The following IL6ST variants were observed in gnomAD, a reference collection of about 807,000 sequenced individuals.
The protein encoded by IL6ST is interleukin 6 cytokine family signal transducer, also known as interleukin-6 receptor subunit beta.
IL6ST carries 24 observed loss-of-function variants against 91.3 expected under a neutral mutation model. That is an observed-to-expected ratio of 0.26 (90% CI 0.19 to 0.37). The LOEUF is 0.37. Ranked by LOEUF, IL6ST falls within the 10% of genes least tolerant of loss-of-function variation. The pLI is 1.00. For missense variants in IL6ST, 914 were observed against 1,078.5 expected (o/e 0.85, Z 2.14); for synonymous variants, 351 against 373.6 (o/e 0.94, Z 0.70).
chr5:55,954,804 G>T lies in IL6ST; in HGVS notation c.1450+6C>A. ...TATCAATTTAGATGTTTCTAGCCAG[G>T]TATACCTCTTAAATAGGTGCGATGC... On this transcript the variant is annotated splice_donor_region_variant and intron_variant, in intron 11 of 16. Transcript: ENST00000381298. 5 of 1,593,550 alleles carry T rather than the reference G, an allele frequency of 3.1e-6. No individual in the cohort carries two copies. The highest frequency in any genetic ancestry group is 4.3e-6 in the Non-Finnish European group (5 of 1,170,000).
chr5:55,950,740 T>C (rs771929886), intron 14 of IL6ST, among the ~76,000 whole-genome samples: 3 of 151,586 alleles, frequency 2.0e-5, no homozygotes, highest in Non-Finnish European at 2.9e-5. Flanking sequence ...CCCAGCACTT[T>C]AGGAGGCCAA....
At chr5:55,965,147 A>G (rs895650387) in intron 5 of IL6ST, among the ~76,000 whole-genome samples, 1 of 152,214 alleles carries the variant, frequency 6.6e-6, no homozygotes, top group Non-Finnish European at 1.5e-5. Flanking sequence ...AACTATTCCA[A>G]GTAACATTAA....
chr5:55,950,178 G>A (rs886607446), intron 14 of IL6ST: 1 of 493,988 alleles, frequency 2.0e-6, no homozygotes, highest in Middle Eastern at 3.2e-4. Flanking sequence ...GAGGGAAAAT[G>A]TATTTGGGAA....
chr5:55,943,620 T>C (rs940294491), intron 15 of IL6ST, among the ~76,000 whole-genome samples: 1 of 152,150 alleles, frequency 6.6e-6, no homozygotes, highest in Non-Finnish European at 1.5e-5. Flanking sequence ...AAATGCACCA[T>C]ATTCATGGAA....
chr5:55,993,609 TAC>T (rs1398910774), intron 1 of IL6ST, among the ~76,000 whole-genome samples: 6 of 152,242 alleles, frequency 3.9e-5, no homozygotes, highest in South Asian at 2.1e-4. Flanking sequence ...AAAATCCCAC[TAC>T]AGTCTGTCCT....
rs1283880348 is a variant in IL6ST, at chr5:55,951,352, A to C, written c.1840+112T>G. On this transcript the variant is annotated intron_variant, in intron 14 of 16. Coordinates refer to ENST00000381298, the MANE Select transcript of IL6ST (RefSeq NM_002184.4). ...ACCAACCAAAGCCAGATAATATAAA[A>C]ATCATCATGAATCCAAAGATGTACT... 9 of 821,388 alleles carry C rather than the reference A, an allele frequency of 1.1e-5. No individual in the cohort carries two copies. In the East Asian group the frequency reaches 2.3e-4, roughly 21 times the overall value. 50.9% of individuals were successfully genotyped at this position (821,388 alleles called of 1,614,324 possible). A position where few individuals can be genotyped will look rare whatever the true frequency, so the allele number is the denominator to read the frequency against.
chr5:55,941,967 C>T (rs1462129362), intron 16 of IL6ST, 148 bp from the exon 17 acceptor site: 1 of 661,748 alleles, frequency 1.5e-6, no homozygotes, highest in African/African-American at 1.8e-5. Context: ...AATGCAGATA[C>T]TATAAAATGA....
chr5:55,941,875 T>G lies in IL6ST; in HGVS notation c.2020-56A>C, dbSNP rs1012787180. 7 of 1,459,130 alleles carry G rather than the reference T, an allele frequency of 4.8e-6. No individual in the cohort carries two copies. The East Asian group carries it at 1.1e-4, about 24-fold the overall frequency. 90.4% of individuals were successfully genotyped at this position (1,459,130 alleles called of 1,614,324 possible). A position where few individuals can be genotyped will look rare whatever the true frequency, so the allele number is the denominator to read the frequency against. ...GTATTAGTTAAAGCCACAGAGCTAA[T>G]GCATCTCTGAAACTTCCCAGTAACT... is the stretch of plus-strand genomic sequence containing the variant. On this transcript the variant is annotated intron_variant, in intron 16 of 16. Coordinates refer to ENST00000381298, the MANE Select transcript of IL6ST (RefSeq NM_002184.4).
At chr5:55,992,843 C>A (rs1218667161) in intron 1 of IL6ST, among the ~76,000 whole-genome samples, 4 of 152,158 alleles carry the variant, frequency 2.6e-5, no homozygotes, top group African/African-American at 9.7e-5. Context: ...GGATTTTCTG[C>A]ATCACTCTGC....
In IL6ST at chr5:55,936,283, C is replaced by A. The variant is rs997728268; in HGVS notation, c.*4799G>T. ...ACTCCAGCAGAGTGCAGGGTGGGCA[C>A]AGACAGGCCACAAGATGGCGCAGCA... On this transcript the variant is annotated 3_prime_UTR_variant, in exon 17 of 17. Coordinates refer to ENST00000381298, the MANE Select transcript of IL6ST (RefSeq NM_002184.4). The A allele has an allele frequency of 3.6e-5, 8 of 221,262 alleles. No individual in the cohort carries two copies. The highest frequency in any genetic ancestry group is 1.6e-4 in the African/African-American group (7 of 43,984). The allele number at this position is 221,262 out of a possible 1,614,324, so 13.7% of individuals were successfully genotyped here.
rs773015808 is a variant in IL6ST, at chr5:55,951,974, T to G, written c.1654A>C (p.Arg552=). Residue 552 remains arginine (R), a synonymous_variant, in exon 13 of 17, where the codon AGA becomes CGA. Transcript: ENST00000381298. ...GTTCTATAAAATATAGTATAATTTC[T>G]GATAAATCCATTCTGAACATCAACA... ...LPVDVQNGFI[R]NYTIFYRTII... is the part of the protein sequence containing the mutation. 6.5e-7 allele frequency: 1 copy of G among 1,529,884 alleles called. No individual in the cohort carries two copies. The highest frequency in any genetic ancestry group is 2.3e-5 in the East Asian group (1 of 44,402). 94.8% of individuals were successfully genotyped at this position (1,529,884 alleles called of 1,614,324 possible).
chr5:55,976,254 C>G lies in IL6ST; in HGVS notation c.25G>C (p.Val9Leu), dbSNP rs372602249. ...GTGAGGAAAATAAACAAGGCTTGCA[C>G]TAGCCAAGTCTGCAACGTCAACATC... Reference protein sequence around the residue: MLTLQTWLVQALFIFLTTE... With the variant: MLTLQTWLLQALFIFLTTE... The change falls in exon 3 of 17, where the codon GTG (valine) becomes CTG (leucine). Residue 9 changes from valine to leucine, a missense_variant. By Grantham distance (32) the Val-to-Leu change is conservative. Coordinates refer to ENST00000381298, the MANE Select transcript of IL6ST (RefSeq NM_002184.4). 6.3e-7 allele frequency: 1 copy of G among 1,588,598 alleles called. No individual in the cohort carries two copies. Among genetic ancestry groups the G allele is most frequent in the African/African-American group, 1.4e-5 (1 of 73,954 alleles).
chr5:55,987,359 C>T (rs114273296), intron 1 of IL6ST, among the ~76,000 whole-genome samples: 1 of 152,174 alleles, frequency 6.6e-6, no homozygotes, highest in African/African-American at 2.4e-5. Context: ...CTAAAATAAG[C>T]ACAGTTCAAA....
At chr5:55,988,354 A>G (rs188002548) in intron 1 of IL6ST, among the ~76,000 whole-genome samples, 201 of 152,328 alleles carry the variant, frequency 1.3e-3, no homozygotes, top group Admixed American at 2.2e-3. Flanking sequence ...AAAGAGTGAG[A>G]ATCACATGAC....
At chr5:55,989,614 T>C (rs1225853473) in intron 1 of IL6ST, among the ~76,000 whole-genome samples, 1 of 152,192 alleles carries the variant, frequency 6.6e-6, no homozygotes, top group African/African-American at 2.4e-5. Flanking sequence ...GCTTAAGAAA[T>C]AAAAGCTCAA....
chr5:55,958,407 T>G (rs1049172808), intron 8 of IL6ST, among the ~76,000 whole-genome samples: 4 of 152,226 alleles, frequency 2.6e-5, no homozygotes, highest in African/African-American at 9.6e-5. Flanking sequence ...GACATTTCAT[T>G]TTTACTTATC....
chr5:55,964,803 A>C (rs914445710), intron 5 of IL6ST, among the ~76,000 whole-genome samples: 20 of 152,158 alleles, frequency 1.3e-4, no homozygotes, highest in Non-Finnish European at 2.8e-4. Context: ...TTCTATCACC[A>C]TGGAAAGTTT....
chr5:55,962,101 A>G (rs1276835138), intron 7 of IL6ST, among the ~76,000 whole-genome samples: 3 of 152,252 alleles, frequency 2.0e-5, no homozygotes, highest in Non-Finnish European at 4.4e-5. Flanking sequence ...ATTTAGTATT[A>G]GATACAAAAT....
chr5:55,949,467 T>C (rs1751474351), intron 14 of IL6ST, among the ~76,000 whole-genome samples: 1 of 151,034 alleles, frequency 6.6e-6, no homozygotes, highest in Non-Finnish European at 1.5e-5. Context: ...AGAGCAAGAC[T>C]CTGTCTCAAA....
Sources: allele counts gnomAD v4.1 joint callset (sites outside exome capture counted in the v4.1 genomes callset), GRCh38; gene constraint gnomAD v4.1.1; transcripts MANE v1.5; gene names NCBI Gene and HGNC (gene_info 2026-07-23, HGNC 2026-07-21).